The following CMIP variants were observed in gnomAD, a reference collection of about 807,000 sequenced individuals.
CMIP encodes the protein C-Maf-inducing protein.
CMIP carries 13 observed loss-of-function variants against 97.3 expected under a neutral mutation model. The observed-to-expected ratio is 0.13, with a 90% confidence interval of 0.09 to 0.21. The LOEUF (loss-of-function observed/expected upper bound fraction) is 0.21. Ranked by LOEUF, CMIP falls within the 10% of genes least tolerant of loss-of-function variation. CMIP has a pLI of 1.00. For synonymous variants in CMIP, 538 were observed against 436.3 expected (o/e 1.23, Z -2.91); for missense variants, 847 against 1,024.9 (o/e 0.83, Z 2.37).
In CMIP at chr16:81,682,095, C is replaced by T. The variant is rs58589957; in HGVS notation, c.1388+3467C>T. On this transcript the variant is annotated intron_variant, in intron 10 of 20. Transcript: ENST00000537098. ...GCGGGCGCCTGTAGTCCCAGCTACT[C>T]GGGAGGCTGAAGCACGAGAATCATT... Among the ~76,000 whole-genome samples the T allele has an allele frequency of 4.9e-3, 739 of 152,086 alleles. 3 individuals carry two copies. Among genetic ancestry groups the T allele is most frequent in the African/African-American group, 0.017 (687 of 41,462 alleles).
intron 3 of CMIP, among the ~76,000 whole-genome samples, chr16:81,646,727 C>T (rs2092368513): frequency 6.6e-6 from 1 of 152,208 alleles, no homozygotes; most frequent in African/African-American, 2.4e-5. Context: ...AGAAATCATA[C>T]ACTATGTCTT....
chr16:81,626,239 G>A (rs1196014563), intron 3 of CMIP, among the ~76,000 whole-genome samples: 6 of 101,522 alleles, frequency 5.9e-5, no homozygotes, highest in African/African-American at 1.9e-4. Flanking sequence ...GTGTAAGAGT[G>A]AATGTGTGAG....
intron 10 of CMIP, among the ~76,000 whole-genome samples, chr16:81,687,022 C>T (rs7202777): frequency 6.6e-6 from 1 of 152,178 alleles, no homozygotes; most frequent in Non-Finnish European, 1.5e-5. Context: ...GATCCCACCT[C>T]CTGCCCCAGT....
At chr16:81,615,304 CTGGTGTGTG>C (rs751833817) in intron 2 of CMIP, among the ~76,000 whole-genome samples, 256 of 147,220 alleles carry the variant, frequency 1.7e-3, no homozygotes, top group Non-Finnish European at 2.9e-3. Flanking sequence ...GCATGTGTAA[CTGGTGTGTG>C]TGTATGGTGT....
At chr16:81,565,005 AG>A (rs886671247) in intron 1 of CMIP, among the ~76,000 whole-genome samples, 1 of 151,588 alleles carries the variant, frequency 6.6e-6, no homozygotes, top group African/African-American at 2.4e-5. Flanking sequence ...AGGGGTCTCC[AG>A]AGGGGGTTTC....
intron 1 of CMIP, among the ~76,000 whole-genome samples, chr16:81,524,774 G>T (rs190151301): frequency 2.9e-3 from 434 of 152,170 alleles, no homozygotes; most frequent in African/African-American, 0.01. Context: ...GTTCTGCAGG[G>T]AGCATTTTTA....
At chr16:81,590,850 TCCATCCATC>T in intron 1 of CMIP, among the ~76,000 whole-genome samples, 1 of 151,988 alleles carries the variant, frequency 6.6e-6, no homozygotes, top group African/African-American at 2.4e-5. Context: ...CATCCATCCA[TCCATCCATC>T]CATCCATCCA....
chr16:81,698,588 G>A (rs531791757), intron 14 of CMIP, among the ~76,000 whole-genome samples: 4 of 152,162 alleles, frequency 2.6e-5, no homozygotes, highest in Non-Finnish European at 5.9e-5. Flanking sequence ...AGCAGGGGAG[G>A]GGGCTTTTTT....
At chr16:81,569,018 G>T (rs930878179) in intron 1 of CMIP, among the ~76,000 whole-genome samples, 1 of 152,172 alleles carries the variant, frequency 6.6e-6, no homozygotes, top group African/African-American at 2.4e-5. Flanking sequence ...AGAACAGGGG[G>T]TGCAGTTTTT....
intron 1 of CMIP, among the ~76,000 whole-genome samples, chr16:81,514,715 ACTTCT>A (rs2089879113): frequency 6.6e-6 from 1 of 152,020 alleles, no homozygotes; most frequent in African/African-American, 2.4e-5. Flanking sequence ...TTGTTTCCAG[ACTTCT>A]CTGTGCCTCA....
chr16:81,700,830 C>G (rs1907313776), intron 15 of CMIP, among the ~76,000 whole-genome samples: 1 of 152,128 alleles, frequency 6.6e-6, no homozygotes, highest in Non-Finnish European at 1.5e-5. Context: ...GCATGAAGAG[C>G]CTTCTGGGTA....
chr16:81,559,132 G>T (rs1263215490), intron 1 of CMIP, among the ~76,000 whole-genome samples: 1 of 151,408 alleles, frequency 6.6e-6, no homozygotes, highest in Non-Finnish European at 1.5e-5. Flanking sequence ...CCACAGGCCG[G>T]GCATGCTGGG....
At chr16:81,539,272 G>A (rs889923275) in intron 1 of CMIP, among the ~76,000 whole-genome samples, 1 of 152,230 alleles carries the variant, frequency 6.6e-6, no homozygotes, top group Non-Finnish European at 1.5e-5. Flanking sequence ...CAGCCCGGCA[G>A]TCTGAAGGTT....
intron 3 of CMIP, among the ~76,000 whole-genome samples, chr16:81,650,857 A>G (rs912757010): frequency 6.6e-6 from 1 of 152,148 alleles, no homozygotes; most frequent in African/African-American, 2.4e-5. Flanking sequence ...TCTAGGAAGA[A>G]CCAGATCTTT....
intron 1 of CMIP, among the ~76,000 whole-genome samples, chr16:81,589,427 T>A (rs1182749563): frequency 2.0e-5 from 3 of 152,090 alleles, no homozygotes; most frequent in African/African-American, 7.2e-5. Flanking sequence ...TTTATATTCA[T>A]GACAATAGTA....
chr16:81,458,442 C>G (rs1906695933), intron 1 of CMIP, among the ~76,000 whole-genome samples: 1 of 152,154 alleles, frequency 6.6e-6, no homozygotes, highest in African/African-American at 2.4e-5. Context: ...CCAGCACAGC[C>G]CTGGCTGGGG....
intron 3 of CMIP, among the ~76,000 whole-genome samples, chr16:81,635,762 CGGGGACAGCTCTGCCCATTTGGGGGAGGG>C: frequency 6.6e-6 from 1 of 152,138 alleles, no homozygotes; most frequent in South Asian, 2.1e-4. Context: ...TTCAGGGTGG[CGGGGACAGCTCTGCCCATTTGGGGGAGGG>C]GGGGACAGCT....
At chr16:81,480,476 G>A (rs910955465) in intron 1 of CMIP, among the ~76,000 whole-genome samples, 5 of 152,176 alleles carry the variant, frequency 3.3e-5, no homozygotes, top group African/African-American at 1.2e-4. Context: ...AGAGGCAGAG[G>A]CTGCAGTGAG....
At chr16:81,582,254 C>T (rs1173175797) in intron 1 of CMIP, among the ~76,000 whole-genome samples, 1 of 152,186 alleles carries the variant, frequency 6.6e-6, no homozygotes, top group Middle Eastern at 3.2e-3. Flanking sequence ...CAAACCATGT[C>T]AAGCCTCTTC....
Sources: allele counts gnomAD v4.1 joint callset (sites outside exome capture counted in the v4.1 genomes callset), GRCh38; gene constraint gnomAD v4.1.1; transcripts MANE v1.5; gene names NCBI Gene and HGNC (gene_info 2026-07-23, HGNC 2026-07-21).